Variants in FOXP2 observed in about 807,000 individuals in gnomAD.
FOXP2 encodes forkhead box protein P2.
FOXP2 carries 12 observed loss-of-function variants against 115.8 expected under a neutral mutation model. That is an observed-to-expected ratio of 0.10 (90% confidence interval 0.07 to 0.17). FOXP2 has a LOEUF of 0.17. FOXP2 is among the 10% of genes least tolerant of loss of function. The pLI is 1.00. For missense variants in FOXP2, 629 were observed against 843.5 expected, an observed-to-expected ratio of 0.75 and a Z score of 3.15; for synonymous variants, 328 against 297.7, an observed-to-expected ratio of 1.10 and a Z score of -1.05.
chr7:114,144,278 A>G (rs547156880), intron 1 of FOXP2, among the ~76,000 whole-genome samples: 3 of 152,318 alleles, frequency 2.0e-5, no homozygotes, highest in South Asian at 4.1e-4. Context: ...TTTATGGTAT[A>G]TAGTTCACCA....
At chr7:114,599,518 G>A (rs1198225394) in intron 3 of FOXP2, among the ~76,000 whole-genome samples, 1 of 151,968 alleles carries the variant, frequency 6.6e-6, no homozygotes, top group Non-Finnish European at 1.5e-5. Flanking sequence ...AATAGAATTG[G>A]GATTATATGG....
chr7:114,142,742 T>G (rs889284012), intron 1 of FOXP2, among the ~76,000 whole-genome samples: 1 of 152,192 alleles, frequency 6.6e-6, no homozygotes, highest in African/African-American at 2.4e-5. Context: ...GATTAACTAT[T>G]TATTAATATA....
intron 2 of FOXP2, among the ~76,000 whole-genome samples, chr7:114,460,549 G>A (rs1332794405): frequency 6.6e-6 from 1 of 152,196 alleles, no homozygotes; most frequent in African/African-American, 2.4e-5. Context: ...AGGGATTCAT[G>A]TCACAGGTCT....
chr7:114,402,167 T>C lies in FOXP2; in HGVS notation c.-10-24335T>C, dbSNP rs141629935. Among the ~76,000 whole-genome samples the C allele has an allele frequency of 5.1e-3, 778 of 151,944 alleles. 3 individuals are homozygous for C. The highest frequency in any genetic ancestry group is 7.9e-3 in the Non-Finnish European group (538 of 67,950). On this transcript the variant is annotated intron_variant, in intron 2 of 17. Transcript: ENST00000634411. ...TAAAAATAAAAAGATATAGATAAAA[T>C]TAAGAGAGAAAAACAAATGAAATAG...
intron 1 of FOXP2, among the ~76,000 whole-genome samples, chr7:114,177,613 A>T (rs1852640): frequency 0.82 from 125,231 of 151,898 alleles, 52,714 homozygotes; most frequent in Non-Finnish European, 0.92. Context: ...TTTCTTTAAG[A>T]TTATAACTTG....
chr7:114,160,168 TAGCTTTG>T (rs2129150310), upstream of FOXP2, among the ~76,000 whole-genome samples: 1 of 152,258 alleles, frequency 6.6e-6, no homozygotes, highest in African/African-American at 2.4e-5. Context: ...AGGTTTTGAC[TAGCTTTG>T]AGGAAAGGGG....
chr7:114,266,214 A>G (rs1343316395), intron 1 of FOXP2, among the ~76,000 whole-genome samples: 7 of 151,946 alleles, frequency 4.6e-5, no homozygotes, highest in Non-Finnish European at 1.0e-4. Context: ...GAGCCCTCCA[A>G]ACTCTTCCAA....
intron 2 of FOXP2, among the ~76,000 whole-genome samples, chr7:114,337,940 C>T (rs539545136): frequency 7.9e-5 from 12 of 150,990 alleles, no homozygotes; most frequent in South Asian, 2.1e-4. Context: ...GAAATGAAGG[C>T]ATATCTGTGT....
At chr7:114,394,487 G>A (rs1584691561) in intron 2 of FOXP2, among the ~76,000 whole-genome samples, 1 of 151,694 alleles carries the variant, frequency 6.6e-6, no homozygotes, top group South Asian at 2.1e-4. Context: ...TACTTATATA[G>A]TTTCAAAATA....
intron 16 of FOXP2, among the ~76,000 whole-genome samples, chr7:114,681,351 TTATA>T (rs959425414): frequency 1.1e-4 from 16 of 152,168 alleles, no homozygotes; most frequent in Admixed American, 1.0e-3. Context: ...TCTAACAGGC[TTATA>T]TATATTGCTA....
chr7:114,332,584 TTTTA>T lies in FOXP2; in HGVS notation c.-11+44479_-11+44482del, dbSNP rs577069685. On this transcript the variant is annotated intron_variant, in intron 2 of 17. Coordinates refer to the FOXP2 transcript ENST00000634411. Reference sequence around the variant, plus strand: ...AAATAAGCATTTTTCACATACTGTATTTTATTTGTCTTTTTCTGAGCATCTCTTT... The same window carrying T: ...AAATAAGCATTTTTCACATACTGTATTTTGTCTTTTTCTGAGCATCTCTTT... Among the ~76,000 whole-genome samples the T allele has an allele frequency of 3.8e-4, 58 of 152,294 alleles. No individual in the cohort carries two copies. The East Asian group carries it at 0.011, about 28-fold the overall frequency.
At chr7:114,161,777 G>T (rs909936715), upstream of FOXP2, among the ~76,000 whole-genome samples, 1 of 151,994 alleles carries the variant, frequency 6.6e-6, no homozygotes, top group African/African-American at 2.4e-5. Context: ...ACATGTTGAA[G>T]ACATTTATCT....
At chr7:114,315,610 GCACACACA>G (rs144465419) in intron 2 of FOXP2, among the ~76,000 whole-genome samples, 6 of 146,080 alleles carry the variant, frequency 4.1e-5, no homozygotes, top group Middle Eastern at 3.6e-3. Context: ...CACTATACAT[GCACACACA>G]CACACACACA....
chr7:114,621,357 G>A (rs546340527), intron 3 of FOXP2, among the ~76,000 whole-genome samples: 1 of 151,946 alleles, frequency 6.6e-6, no homozygotes, highest in South Asian at 2.1e-4. Context: ...GTATAGTTTG[G>A]GATATTATGG....
intron 1 of FOXP2, among the ~76,000 whole-genome samples, chr7:114,200,940 A>G (rs969297776): frequency 6.6e-6 from 1 of 152,226 alleles, no homozygotes; most frequent in East Asian, 1.9e-4. Context: ...GGATCACCTG[A>G]GGTCAGGTGT....
At chr7:114,247,173 T>G (rs1410845008) in intron 1 of FOXP2, among the ~76,000 whole-genome samples, 1 of 152,206 alleles carries the variant, frequency 6.6e-6, no homozygotes, top group Non-Finnish European at 1.5e-5. Flanking sequence ...AGTATTCTCC[T>G]ATATCTTCCT....
intron 3 of FOXP2, among the ~76,000 whole-genome samples, chr7:114,563,774 A>G (rs933488812): frequency 4.6e-5 from 7 of 152,146 alleles, no homozygotes; most frequent in Admixed American, 2.6e-4. Flanking sequence ...CTCATTTACT[A>G]TTTCCAAATG....
chr7:114,600,736 C>T (rs1374669444), intron 3 of FOXP2, among the ~76,000 whole-genome samples: 4 of 152,082 alleles, frequency 2.6e-5, no homozygotes, highest in Non-Finnish European at 5.9e-5. Context: ...ATTTGCAGTT[C>T]CTTATTGACT....
chr7:114,621,347 G>T (rs1804244351), intron 3 of FOXP2, among the ~76,000 whole-genome samples: 1 of 151,996 alleles, frequency 6.6e-6, no homozygotes, highest in Non-Finnish European at 1.5e-5. Flanking sequence ...AAGGCAAAAG[G>T]TATAGTTTGG....
Sources: gnomAD v4.1 joint callset for allele counts (sites outside exome capture counted in the v4.1 genomes callset) on GRCh38, gnomAD v4.1.1 for gene constraint, MANE v1.5 for transcripts, NCBI Gene and HGNC (gene_info 2026-07-23, HGNC 2026-07-21) for gene names.